PRKG1: variants seen among roughly 807,000 people sequenced by gnomAD.
PRKG1 encodes the protein cGMP-dependent protein kinase 1.
A neutral mutation model predicts 88.1 loss-of-function variants in PRKG1; 35 were observed. That is an observed-to-expected ratio of 0.40 (90% confidence interval 0.30 to 0.53). PRKG1 has a LOEUF of 0.53. Among genes scored for constraint, PRKG1 ranks in the 20% least tolerant of loss-of-function variants. The pLI is 0.59. For synonymous variants in PRKG1, 303 were observed against 292.5 expected, an observed-to-expected ratio of 1.04 and a Z score of -0.37; for missense variants, 540 against 839.8, an observed-to-expected ratio of 0.64 and a Z score of 4.41.
intron 4 of PRKG1, among the ~76,000 whole-genome samples, chr10:51,880,722 C>T (rs1215148091): frequency 6.6e-6 from 1 of 152,056 alleles, no homozygotes; most frequent in East Asian, 1.9e-4. Context: ...CACTGATTTC[C>T]CACAAATGGA....
chr10:52,170,613 C>A (rs1200504826), intron 9 of PRKG1, among the ~76,000 whole-genome samples: 1 of 152,168 alleles, frequency 6.6e-6, no homozygotes, highest in Non-Finnish European at 1.5e-5. Context: ...CTGTGTACCA[C>A]CCTTTTGGCT....
intron 3 of PRKG1, among the ~76,000 whole-genome samples, chr10:51,595,752 T>G (rs1838429672): frequency 6.6e-6 from 1 of 152,136 alleles, no homozygotes; most frequent in Non-Finnish European, 1.5e-5. Flanking sequence ...TTTTCTGACC[T>G]CCCAGACCAG....
At chr10:51,726,496 G>A (rs1842134972) in intron 3 of PRKG1, among the ~76,000 whole-genome samples, 1 of 152,206 alleles carries the variant, frequency 6.6e-6, no homozygotes. Context: ...GGCTGCATAT[G>A]CAGTAGTGAC....
intron 1 of PRKG1, among the ~76,000 whole-genome samples, chr10:51,152,336 C>A (rs1846093093): frequency 6.6e-6 from 1 of 152,050 alleles, no homozygotes; most frequent in East Asian, 1.9e-4. Context: ...AGAGTTGTAT[C>A]TGCCTGGTTA....
At chr10:51,238,888 G>T (rs189896567) in intron 2 of PRKG1, among the ~76,000 whole-genome samples, 22 of 151,782 alleles carry the variant, frequency 1.4e-4, no homozygotes, top group Admixed American at 7.9e-4. Context: ...TGTAATTAGA[G>T]AAATTGGTTT....
intron 1 of PRKG1, among the ~76,000 whole-genome samples, chr10:51,002,247 A>G (rs967281073): frequency 6.6e-6 from 1 of 152,078 alleles, no homozygotes; most frequent in Non-Finnish European, 1.5e-5. Flanking sequence ...CTACCCCCAT[A>G]ACAAATTAAA....
chr10:51,902,132 G>T (rs952117459), intron 4 of PRKG1, among the ~76,000 whole-genome samples: 1 of 151,618 alleles, frequency 6.6e-6, no homozygotes, highest in Middle Eastern at 3.4e-3. Flanking sequence ...TTTATTTTTT[G>T]AGATGGAGTT....
At chr10:52,157,689 C>A (rs984643493) in intron 8 of PRKG1, among the ~76,000 whole-genome samples, 8 of 151,478 alleles carry the variant, frequency 5.3e-5, no homozygotes, top group Non-Finnish European at 1.2e-4. Context: ...AGGACAATTT[C>A]TTTAAATGTC....
intron 5 of PRKG1, among the ~76,000 whole-genome samples, chr10:52,011,657 C>T (rs1844882457): frequency 6.6e-6 from 1 of 152,180 alleles, no homozygotes; most frequent in African/African-American, 2.4e-5. Flanking sequence ...CCCAATCTTA[C>T]TTCTTCCCAT....
At chr10:51,824,331 A>G (rs1443263385) in intron 4 of PRKG1, among the ~76,000 whole-genome samples, 2 of 152,186 alleles carry the variant, frequency 1.3e-5, no homozygotes, top group Non-Finnish European at 2.9e-5. Context: ...AGCCTTAGAT[A>G]TAATGTTCAA....
At chr10:51,373,153 T>A (rs1473842631) in intron 2 of PRKG1, among the ~76,000 whole-genome samples, 1 of 152,204 alleles carries the variant, frequency 6.6e-6, no homozygotes, top group Non-Finnish European at 1.5e-5. Flanking sequence ...AAAATAGAGA[T>A]TCTAGACTTC....
At chr10:51,704,886 G>C (rs1841567522) in intron 3 of PRKG1, among the ~76,000 whole-genome samples, 1 of 152,082 alleles carries the variant, frequency 6.6e-6, no homozygotes, top group Non-Finnish European at 1.5e-5. Context: ...AATGGCAGAG[G>C]CTTAAGAATA....
chr10:51,845,654 T>A (rs10823710), intron 4 of PRKG1, among the ~76,000 whole-genome samples: 78,770 of 151,952 alleles, frequency 0.52, 20,507 homozygotes, highest in Middle Eastern at 0.58. Context: ...ACTTTTTTTA[T>A]GTGTTAAAAC....
At chr10:51,122,267 A>G (rs930134102) in intron 1 of PRKG1, among the ~76,000 whole-genome samples, 3 of 152,240 alleles carry the variant, frequency 2.0e-5, no homozygotes, top group African/African-American at 4.8e-5. Flanking sequence ...TGAAAGGCAT[A>G]TGGTGGAACA....
Position 51,456,212 on chromosome 10 carries a change from G to A in PRKG1, c.479-11511G>A, listed in dbSNP as rs182649178. On this transcript the variant is annotated intron_variant, in intron 2 of 17. Transcript: ENST00000373980. ...GATCTCATAAGACTTATTCACTACC[G>A]GGAGAACAGTATGGGGGAAACCGCC... Among the ~76,000 whole-genome samples the A allele has an allele frequency of 5.5e-4, 83 of 152,202 alleles. 1 individual carries two copies. The East Asian group carries it at 0.011, about 20-fold the overall frequency.
chr10:51,475,328 C>A (rs1840160040), intron 3 of PRKG1, among the ~76,000 whole-genome samples: 1 of 151,924 alleles, frequency 6.6e-6, no homozygotes, highest in East Asian at 1.9e-4. Context: ...ATTAGAAATG[C>A]AAAATCTGTG....
intron 2 of PRKG1, among the ~76,000 whole-genome samples, chr10:51,165,451 A>G (rs1589213183): frequency 6.6e-6 from 1 of 152,214 alleles, no homozygotes; most frequent in Non-Finnish European, 1.5e-5. Flanking sequence ...ATCATGCCAA[A>G]TTGTAAAGAC....
intron 5 of PRKG1, among the ~76,000 whole-genome samples, chr10:51,914,103 T>C (rs1842285297): frequency 6.6e-6 from 1 of 152,176 alleles, no homozygotes; most frequent in South Asian, 2.1e-4. Context: ...GATAAGTCTC[T>C]ATACATGAAT....
At chr10:52,028,741 C>T (rs529987987) in intron 5 of PRKG1, among the ~76,000 whole-genome samples, 85 of 152,236 alleles carry the variant, frequency 5.6e-4, no homozygotes, top group Middle Eastern at 3.4e-3. Flanking sequence ...GTACAGACAC[C>T]GTTTTCTTTC....
Sources: gnomAD v4.1 joint callset for allele counts (sites outside exome capture counted in the v4.1 genomes callset) on GRCh38, gnomAD v4.1.1 for gene constraint, MANE v1.5 for transcripts, NCBI Gene and HGNC (gene_info 2026-07-23, HGNC 2026-07-21) for gene names.